Variants in GAMT observed in about 807,000 individuals in gnomAD.
GAMT encodes the protein guanidinoacetate N-methyltransferase.
Under a neutral mutation model 26.9 loss-of-function variants are expected in GAMT, and 26 were observed. That is an observed-to-expected ratio of 0.97 (90% CI 0.71 to 1.34). The LOEUF is 1.34. GAMT is among the 40% of genes most tolerant of loss of function. The pLI is 0.00. For missense variants in GAMT, 412 were observed against 345.0 expected, an observed-to-expected ratio of 1.19 and a Z score of -1.54; for synonymous variants, 169 against 149.6, an observed-to-expected ratio of 1.13 and a Z score of -0.95.
At chr19:1,400,991 G>A (rs1428136556) in intron 1 of GAMT, among the ~76,000 whole-genome samples, 2 of 152,204 alleles carry the variant, frequency 1.3e-5, no homozygotes, top group Non-Finnish European at 2.9e-5. Context: ...AGGGAGCTGG[G>A]GACCCGGTTC....
At position 1,401,358 on chromosome 19, in the gene GAMT, G is replaced by T. The variant is rs1222736128; in HGVS notation, c.119C>A (p.Pro40Gln). 2 of 1,530,032 alleles carry T rather than the reference G, an allele frequency of 1.3e-6. No individual in the cohort carries two copies. The highest frequency in any genetic ancestry group is 1.2e-5 in the South Asian group (1 of 82,838). The allele number at this position is 1,530,032 out of a possible 1,614,324, so 94.8% of individuals were successfully genotyped here. A position where few individuals can be genotyped will look rare whatever the true frequency, so the allele number is the denominator to read the frequency against. Residue 40 changes from proline (P) to glutamine (Q), a missense_variant, in exon 1 of 6, where the codon CCG becomes CAG. By Grantham distance (76) the Pro-to-Gln change is moderately conservative (BLOSUM62 -1). Coordinates refer to ENST00000252288, the MANE Select transcript of GAMT (RefSeq NM_000156.6). ...GGGGGTCTCCCAGCGCTCCATCACC[G>T]GCTTGCCCAGGATGCGCAGGTGCGT... ...ADTHLRILGK[P>Q]VMERWETPYM...
intron 1 of GAMT, among the ~76,000 whole-genome samples, chr19:1,400,685 G>GC (rs1367099060): frequency 6.6e-6 from 1 of 152,198 alleles, no homozygotes; most frequent in African/African-American, 2.4e-5. Context: ...TCCCCAGTGG[G>GC]CCACACATGG....
At chr19:1,400,680 A>T (rs266807) in intron 1 of GAMT, among the ~76,000 whole-genome samples, 1 of 152,082 alleles carries the variant, frequency 6.6e-6, no homozygotes, top group Non-Finnish European at 1.5e-5. Context: ...ACTGGTCCCC[A>T]GTGGGCCACA....
Position 1,398,967 on chromosome 19 carries a change from G to A in GAMT, c.519C>T (p.Ser173=). ...ACTTGGACTTCATCAGCTCCCCCCA[G>A]GAGGTGAGGTTGCAGTAGGTGAGGA... ...GGVLTYCNLT[S]WGELMKSKYS... Residue 173 remains serine (S), a synonymous_variant, in exon 5 of 6, where the codon TCC becomes TCT. Coordinates refer to ENST00000252288, the MANE Select transcript of GAMT (RefSeq NM_000156.6). The A allele has an allele frequency of 2.5e-6, 4 of 1,613,472 alleles. No homozygotes were observed. In the East Asian group the frequency reaches 8.9e-5, roughly 36 times the overall value.
At chr19:1,397,771 G>A (rs1291629987) in intron 5 of GAMT, 2 of 1,362,124 alleles carry the variant, frequency 1.5e-6, no homozygotes, top group African/African-American at 1.5e-5. Flanking sequence ...TCCAGACCTT[G>A]CCAGTGTGGC....
chr19:1,400,000 G>A lies in GAMT; in HGVS notation c.182-62C>T. 1 of 1,556,078 alleles carries A rather than the reference G, an allele frequency of 6.4e-7. No homozygotes were observed. On this transcript the variant is annotated intron_variant, in intron 1 of 5. Coordinates refer to ENST00000252288, the MANE Select transcript of GAMT (RefSeq NM_000156.6). This position sits in a 1 kb window ranked among gnomAD's most constrained non-coding sequence, Gnocchi z 6.2. ...GGCGGGCTTAGGAGGCTGCCTGGAGGAGGGGCACAGGGCAGGGCAGGGCTG... is the reference window on the plus strand; with the variant it reads ...GGCGGGCTTAGGAGGCTGCCTGGAGAAGGGGCACAGGGCAGGGCAGGGCTG...
chr19:1,400,696 G>C (rs1312595228), intron 1 of GAMT, among the ~76,000 whole-genome samples: 3 of 152,176 alleles, frequency 2.0e-5, no homozygotes, highest in African/African-American at 7.2e-5. Context: ...CCACACATGG[G>C]CCCCCCGCTC....
chr19:1,399,784 G>T lies in GAMT; in HGVS notation c.327+9C>A. On this transcript the variant is annotated intron_variant, in intron 2 of 5. Coordinates refer to ENST00000252288, the MANE Select transcript of GAMT (RefSeq NM_000156.6). This position sits in a 1 kb window ranked among gnomAD's most constrained non-coding sequence, Gnocchi z 6.2. ...GGGGGTCCTGGAGGGCCTGCGGGCA[G>T]AGGGGCACCTTGTGTGTCTGCCGTG... The T allele has an allele frequency of 6.4e-7, 1 of 1,556,756 alleles. No individual in the cohort carries two copies.
Position 1,401,374 on chromosome 19 carries a change from G to A in GAMT, c.103C>T (p.Arg35Cys). Reference protein sequence around the residue: ...AAYDAADTHLRILGKPVMERW... With the variant: ...AAYDAADTHLCILGKPVMERW... ...TCCATCACCGGCTTGCCCAGGATGC[G>A]CAGGTGCGTGTCCGCTGCGTCGTAG... The change falls in exon 1 of 6, where the codon CGC (arginine) becomes TGC (cysteine). Residue 35 changes from arginine to cysteine, a missense_variant. Physicochemically the swap from Arg to Cys is radical, Grantham distance 180. Transcript: ENST00000252288. 6.6e-7 allele frequency: 1 copy of A among 1,514,662 alleles called. No individual in the cohort carries two copies. Among genetic ancestry groups the A allele is most frequent in the Non-Finnish European group, 8.8e-7 (1 of 1,139,946 alleles). 93.8% of individuals were successfully genotyped at this position (1,514,662 alleles called of 1,614,324 possible).
chr19:1,398,538 C>T, intron 5 of GAMT: 1 of 601,050 alleles, frequency 1.7e-6, no homozygotes, highest in Non-Finnish European at 2.9e-6. Flanking sequence ...GGGGCCCAAG[C>T]AATCCTCCTA....
At position 1,399,870 on chromosome 19, in the gene GAMT, C is replaced by G. The variant is rs762438523; in HGVS notation, c.250G>C (p.Asp84His). 1.9e-6 allele frequency: 3 copies of G among 1,604,900 alleles called. No individual in the cohort carries two copies. Among genetic ancestry groups the G allele is most frequent in the Non-Finnish European group, 2.5e-6 (3 of 1,176,524 alleles). ...AASKVQEAPI[D>H]EHWIIECNDG... ...TTGCACTCGATGATCCAATGCTCAT[C>G]AATGGGCGCCTCCTGCACCTTTGAC... Residue 84 changes from aspartate to histidine, a missense_variant, in exon 2 of 6, where the codon GAT becomes CAT. Coordinates refer to ENST00000252288, the MANE Select transcript of GAMT (RefSeq NM_000156.6). The surrounding 1 kb of genome is among the most constrained non-coding windows in gnomAD (Gnocchi z 6.2).
chr19:1,397,501 T>C lies in GAMT; in HGVS notation c.571-2A>G, dbSNP rs1188076910. On this transcript the variant is annotated splice_acceptor_variant, in intron 5 of 5. Transcript: ENST00000252288. LOFTEE classifies it high-confidence loss of function. ...CAGCAGCGCGGGCACCTGCGTCTCC[T>C]GGTCGGGGATGGCACCAGGTCACCT... 1 of 1,602,250 alleles carries C rather than the reference T, an allele frequency of 6.2e-7. No individual in the cohort carries two copies. Among genetic ancestry groups the C allele is most frequent in the Non-Finnish European group, 8.5e-7 (1 of 1,179,788 alleles).
At position 1,399,837 on chromosome 19, in the gene GAMT, C is replaced by T. The variant is rs140778208; in HGVS notation, c.283G>A (p.Val95Ile). 30 of 1,591,102 alleles carry T rather than the reference C, an allele frequency of 1.9e-5. No individual in the cohort carries two copies. The highest frequency in any genetic ancestry group is 3.5e-5 in the Admixed American group (2 of 56,908). The change falls in exon 2 of 6, where the codon GTC becomes ATC. Residue 95 changes from valine (V) to isoleucine (I), a missense_variant. Val to Ile is a conservative substitution (Grantham distance 29). Coordinates refer to ENST00000252288, the MANE Select transcript of GAMT (RefSeq NM_000156.6). This position sits in a 1 kb window ranked among gnomAD's most constrained non-coding sequence, Gnocchi z 6.2. ...EHWIIECNDG[V>I]FQRLRDWAPR... ...GCCCAGTCCCGGAGCCGCTGGAAGACGCCGTCATTGCACTCGATGATCCAA... is the reference window on the plus strand; with the variant it reads ...GCCCAGTCCCGGAGCCGCTGGAAGATGCCGTCATTGCACTCGATGATCCAA...
At chr19:1,398,253 A>G (rs1173834398) in intron 5 of GAMT, 1 of 207,956 alleles carries the variant, frequency 4.8e-6, no homozygotes, top group Non-Finnish European at 8.6e-6. Context: ...GCCCGCCACC[A>G]CGCCTGGCTA....
Position 1,399,605 on chromosome 19 carries a change from A to G in GAMT, c.328-18T>C. On this transcript the variant is annotated intron_variant, in intron 2 of 5. Coordinates refer to ENST00000252288, the MANE Select transcript of GAMT (RefSeq NM_000156.6). The surrounding 1 kb of genome is among the most constrained non-coding windows in gnomAD (Gnocchi z 6.2). ...GGGATGACCTTGCAGAGGGGAAAAG[A>G]AAAAGAGAGGACAGGGTAGAGAGGT... 1 of 1,609,984 alleles carries G rather than the reference A, an allele frequency of 6.2e-7. No homozygotes were observed. The highest frequency in any genetic ancestry group is 8.5e-7 in the Non-Finnish European group (1 of 1,178,272).
In GAMT at chr19:1,399,322, C is replaced by CT; in HGVS notation, c.392-128_392-127insA. The CT allele has an allele frequency of 8.5e-7, 1 of 1,179,204 alleles. No individual in the cohort carries two copies. Among genetic ancestry groups the CT allele is most frequent in the South Asian group, 1.3e-5 (1 of 79,956 alleles). 73.0% of individuals were successfully genotyped at this position (1,179,204 alleles called of 1,614,324 possible). ...GCCGTGGGTAGAGGTGGGGCTCCCA[C>CT]ACAGGCTTGAGAACCCCGAGATCGC... On this transcript the variant is annotated intron_variant, in intron 3 of 5. Coordinates refer to ENST00000252288, the MANE Select transcript of GAMT (RefSeq NM_000156.6). This position sits in a 1 kb window ranked among gnomAD's most constrained non-coding sequence, Gnocchi z 6.2.
chr19:1,398,787 C>T (rs1329342708), intron 5 of GAMT, 129 bp downstream of exon 5: 1 of 1,552,744 alleles, frequency 6.4e-7, no homozygotes, highest in East Asian at 2.4e-5. Flanking sequence ...AATGAACCAG[C>T]ACAGTCCAGC....
rs933355009 is a variant in GAMT at position 1,397,782 on chromosome 19, G to A, written c.571-283C>T. On this transcript the variant is annotated intron_variant, in intron 5 of 5. Transcript: ENST00000252288. ...GTTCTCCAGACCTTGCCAGTGTGGCGGGTGGAGCCAAAGAATCACACCAGA... is the reference window on the plus strand; with the variant it reads ...GTTCTCCAGACCTTGCCAGTGTGGCAGGTGGAGCCAAAGAATCACACCAGA... 8.2e-6 allele frequency: 11 copies of A among 1,340,024 alleles called. No individual in the cohort carries two copies. In the East Asian group the frequency reaches 9.0e-5, roughly 11 times the overall value. The allele number at this position is 1,340,024 out of a possible 1,614,324, so 83.0% of individuals were successfully genotyped here. A position where few individuals can be genotyped will look rare whatever the true frequency, so the allele number is the denominator to read the frequency against.
Position 1,399,684 on chromosome 19 carries a change from A to G in GAMT, c.328-97T>C, listed in dbSNP as rs1441032188. 7 of 1,525,546 alleles carry G rather than the reference A, an allele frequency of 4.6e-6. No homozygotes were observed. The highest frequency in any genetic ancestry group is 6.2e-6 in the Non-Finnish European group (7 of 1,131,770). The allele number at this position is 1,525,546 out of a possible 1,614,324, so 94.5% of individuals were successfully genotyped here. On this transcript the variant is annotated intron_variant, in intron 2 of 5. Transcript: ENST00000252288. The surrounding 1 kb of genome is among the most constrained non-coding windows in gnomAD (Gnocchi z 6.2). ...GAGCGGCCAGGGGGACTCCCGAGAGAGAAGACCACCTCCTCCACCTCTGAC... is the reference window on the plus strand; with the variant it reads ...GAGCGGCCAGGGGGACTCCCGAGAGGGAAGACCACCTCCTCCACCTCTGAC...
Sources: allele counts gnomAD v4.1 joint callset (sites outside exome capture counted in the v4.1 genomes callset), GRCh38; gene constraint gnomAD v4.1.1; non-coding constraint Gnocchi (gnomAD v3.1); transcripts MANE v1.5; gene names NCBI Gene and HGNC (gene_info 2026-07-23, HGNC 2026-07-21).